The following KIAA1958 variants were observed in gnomAD, a reference collection of about 807,000 sequenced individuals.
KIAA1958 encodes the protein KIAA1958, also known as uncharacterized protein KIAA1958.
In KIAA1958, 14 loss-of-function variants were observed where a neutral mutation model predicts 47.2. That is an observed-to-expected ratio of 0.30 (90% CI 0.20 to 0.46). The LOEUF (loss-of-function observed/expected upper bound fraction) is 0.46, where lower values mean the gene tolerates loss of function less well. KIAA1958 is among the 20% of genes least tolerant of loss of function. The probability of loss-of-function intolerance (pLI) is 1.00; values close to 1 mark genes in which losing one functional copy is unlikely to be tolerated. For missense variants in KIAA1958, 803 were observed against 909.2 expected, an observed-to-expected ratio of 0.88 and a Z score of 1.50; for synonymous variants, 354 against 353.3, an observed-to-expected ratio of 1.00 and a Z score of -0.02.
rs1395632128 is a variant in KIAA1958, at chr9:112,631,778, T to TA, written c.1172-13871dup. Among the ~76,000 whole-genome samples, 7 of 152,192 alleles carry TA rather than the reference T, an allele frequency of 4.6e-5. No homozygotes were observed. In the South Asian group the frequency reaches 1.2e-3, roughly 27 times the overall value. ...CTTCAAAAACTAATCTAGCTGTAGT[T>TA]ACCATTTTGTATGTTTGTAAAAGAT... On this transcript the variant is annotated intron_variant, in intron 2 of 3. Coordinates refer to ENST00000337530, the MANE Select transcript of KIAA1958 (RefSeq NM_133465.4).
chr9:112,627,314 T>C (rs1836634350), intron 2 of KIAA1958, among the ~76,000 whole-genome samples: 2 of 152,222 alleles, frequency 1.3e-5, no homozygotes, highest in Admixed American at 6.5e-5. Context: ...TTTGAGTATC[T>C]TACAGAAAAA....
intron 2 of KIAA1958, among the ~76,000 whole-genome samples, chr9:112,579,935 A>G (rs1212228970): frequency 6.6e-6 from 1 of 152,234 alleles, no homozygotes; most frequent in Non-Finnish European, 1.5e-5. Flanking sequence ...CTCAGACAGC[A>G]TCAAGTTTCC....
At chr9:112,590,592 TC>T (rs1351666813) in intron 2 of KIAA1958, among the ~76,000 whole-genome samples, 2 of 152,112 alleles carry the variant, frequency 1.3e-5, no homozygotes, top group Admixed American at 1.3e-4. Flanking sequence ...CCTCAGGTGA[TC>T]CACCCGCTTG....
At chr9:112,520,306 T>TAAGACA (rs747389110) in intron 1 of KIAA1958, among the ~76,000 whole-genome samples, 244 of 152,370 alleles carry the variant, frequency 1.6e-3, no homozygotes, top group Non-Finnish European at 2.2e-3. Context: ...ATGAATGTGG[T>TAAGACA]ATAGTCTCAA....
At chr9:112,529,641 A>C (rs979809121) in intron 1 of KIAA1958, among the ~76,000 whole-genome samples, 2 of 152,350 alleles carry the variant, frequency 1.3e-5, no homozygotes, top group Admixed American at 1.3e-4. Context: ...TTAAGGCCAC[A>C]GAGGTAAAAT....
At chr9:112,586,533 A>T (rs1391015772) in intron 2 of KIAA1958, among the ~76,000 whole-genome samples, 1 of 152,010 alleles carries the variant, frequency 6.6e-6, no homozygotes. Flanking sequence ...TTTTAGTATG[A>T]TTTGTATTAG....
At chr9:112,604,938 ATATATATTTTAATATATGTT>A (rs1836201535) in intron 2 of KIAA1958, among the ~76,000 whole-genome samples, 1 of 147,464 alleles carries the variant, frequency 6.8e-6, no homozygotes. Flanking sequence ...ATTTTATGTA[ATATATATTTTAATATATGTT>A]TATATATTTT....
At chr9:112,531,843 C>T (rs979141543) in intron 1 of KIAA1958, among the ~76,000 whole-genome samples, 12 of 152,202 alleles carry the variant, frequency 7.9e-5, no homozygotes, top group Non-Finnish European at 1.3e-4. Flanking sequence ...CAAAGGTTAA[C>T]GCTCATGTTG....
chr9:112,558,433 A>G (rs985359462), intron 1 of KIAA1958, among the ~76,000 whole-genome samples: 2 of 152,182 alleles, frequency 1.3e-5, no homozygotes, highest in Non-Finnish European at 2.9e-5. Context: ...CAAAGGGACC[A>G]TAATACCAAA....
intron 2 of KIAA1958, among the ~76,000 whole-genome samples, chr9:112,634,023 T>C (rs1354935187): frequency 1.3e-5 from 2 of 152,224 alleles, no homozygotes; most frequent in Non-Finnish European, 2.9e-5. Flanking sequence ...AATTGGTGTG[T>C]GTTCAACTGT....
rs181923784 is a variant in KIAA1958, at chr9:112,564,591, T to C, written c.-24-9466T>C. Among the ~76,000 whole-genome samples the C allele has an allele frequency of 6.9e-3, 1,055 of 152,322 alleles. 43 individuals carry two copies. The highest frequency in any genetic ancestry group is 0.061 in the Admixed American group (929 of 15,292). On this transcript the variant is annotated intron_variant, in intron 1 of 3. Coordinates refer to ENST00000337530, the MANE Select transcript of KIAA1958 (RefSeq NM_133465.4). Reference sequence around the variant, plus strand: ...TTCTGTAAAGAAATTTTTCTCAAACTTTTGAAAGAAAAAGTATTTTCATGG... The same window carrying C: ...TTCTGTAAAGAAATTTTTCTCAAACCTTTGAAAGAAAAAGTATTTTCATGG...
intron 1 of KIAA1958, among the ~76,000 whole-genome samples, chr9:112,491,151 C>T (rs530829410): frequency 3.3e-5 from 5 of 152,128 alleles, no homozygotes; most frequent in South Asian, 2.1e-4. Flanking sequence ...TTTTTTGTAG[C>T]GATGGGGTCT....
chr9:112,537,814 A>G (rs1016551221), intron 1 of KIAA1958, among the ~76,000 whole-genome samples: 17 of 152,236 alleles, frequency 1.1e-4, no homozygotes, highest in African/African-American at 3.4e-4. Context: ...TTTTCAGATA[A>G]TATTTAGAGC....
At chr9:112,504,188 CTTT>C (rs374393037) in intron 1 of KIAA1958, among the ~76,000 whole-genome samples, 5 of 139,626 alleles carry the variant, frequency 3.6e-5, no homozygotes, top group East Asian at 2.1e-4. Context: ...TAGAGATTAT[CTTT>C]TTTTTTTTTT....
rs1835032086 is a variant in KIAA1958, at chr9:112,546,379, T to A, written c.-24-27678T>A. On this transcript the variant is annotated intron_variant, in intron 1 of 3. Transcript: ENST00000337530. ...CCTTTCCTAGAAAACTTATGAATAA[T>A]TCACCCCTTGTTTAGCATATGATTA... is the stretch of plus-strand genomic sequence containing the variant. 2.0e-5 allele frequency among the ~76,000 whole-genome samples: 3 copies of A among 152,260 alleles called. No individual in the cohort carries two copies. The South Asian group carries it at 6.2e-4, about 32-fold the overall frequency.
chr9:112,528,548 A>G (rs1834699791), intron 1 of KIAA1958, among the ~76,000 whole-genome samples: 1 of 152,132 alleles, frequency 6.6e-6, no homozygotes, highest in African/African-American at 2.4e-5. Context: ...TTAGAGACAA[A>G]GTCTTGCTCT....
chr9:112,607,012 AAAG>A (rs1401475842), intron 2 of KIAA1958, among the ~76,000 whole-genome samples: 1 of 152,198 alleles, frequency 6.6e-6, no homozygotes, highest in African/African-American at 2.4e-5. Flanking sequence ...CATAGTATAT[AAAG>A]AAGGGGTGCT....
intron 2 of KIAA1958, among the ~76,000 whole-genome samples, chr9:112,614,760 G>A (rs531958528): frequency 2.0e-5 from 3 of 152,294 alleles, no homozygotes; most frequent in Non-Finnish European, 2.9e-5. Context: ...AGAAAAGAGG[G>A]AAAGGCTTGG....
rs16917185 is a variant in KIAA1958, at chr9:112,659,508, C to G, written c.1590C>G (p.Ile530Met). The G allele has an allele frequency of 2.5e-6, 4 of 1,613,186 alleles. No homozygotes were observed. The South Asian group carries it at 4.4e-5, about 18-fold the overall frequency. ...TGTCGGGCGCGCGTTCTCGCAACAT[C>G]GTCTACTTCTCCCTTTCTGACGAGG... ...AGMSGARSRN[I>M]VYFSLSDEEE... Residue 530 changes from isoleucine (I) to methionine (M), a missense_variant, in exon 4 of 4, where the codon ATC becomes ATG. This residue lies in a region of KIAA1958 where 761 missense variants were observed against 829.3 expected (regional missense o/e 0.92). Transcript: ENST00000337530.
Sources: allele counts gnomAD v4.1 joint callset (sites outside exome capture counted in the v4.1 genomes callset), GRCh38; gene constraint gnomAD v4.1.1; regional missense constraint gnomAD v4.1.1; transcripts MANE v1.5; gene names NCBI Gene and HGNC (gene_info 2026-07-23, HGNC 2026-07-21).